The following MROH2B variants were observed in gnomAD, a reference collection of about 807,000 sequenced individuals.
MROH2B encodes the protein maestro heat-like repeat-containing protein family member 2B.
A neutral mutation model predicts 208.6 loss-of-function variants in MROH2B; 177 were observed. The ratio of observed to expected loss-of-function variants is 0.85; its 90% CI spans 0.75 to 0.96. The LOEUF is 0.96. Among genes scored for constraint, MROH2B ranks in the 40% least tolerant of loss-of-function variants. MROH2B has a pLI of 0.00. For missense variants in MROH2B, 2,002 were observed against 1,878.7 expected (o/e 1.07, Z -1.21); for synonymous variants, 728 against 659.0 (o/e 1.10, Z -1.60).
rs776112856 is a variant in MROH2B at position 41,057,271 on chromosome 5, C to A, written c.846G>T (p.Gln282His). 1 of 1,603,292 alleles carries A rather than the reference C, an allele frequency of 6.2e-7. No homozygotes were observed. Among genetic ancestry groups the A allele is most frequent in the Non-Finnish European group, 8.5e-7 (1 of 1,174,398 alleles). The change falls in exon 8 of 42, where the codon CAG becomes CAT. Residue 282 changes from glutamine to histidine, a missense_variant. By Grantham distance (24) the Gln-to-His change is conservative. Coordinates refer to ENST00000399564, the MANE Select transcript of MROH2B (RefSeq NM_173489.5). ...GTTGACAGCATGGTCTTCTTACCTG[C>A]TGGAGTAAATTGATAAAGATGGATC... is the stretch of plus-strand genomic sequence containing the variant. The part of the protein sequence containing the change: ...LRRSIFINLL[Q>H]QICRAPEPPV...
rs999618578 is a variant in MROH2B, at chr5:41,057,355, T to C, written c.762A>G (p.Leu254=). The change falls in exon 8 of 42, where the codon CTA becomes CTG. Residue 254 remains leucine, a synonymous_variant. Coordinates refer to ENST00000399564, the MANE Select transcript of MROH2B (RefSeq NM_173489.5). ...KEIDFHVTQS[L]KQILTAAVLY... is the part of the protein sequence containing the mutation. ...GAACTGCTGCAGTCAGTATTTGTTT[T>C]AGGCTCTAAAGTGGAAACTCCCACA... is the stretch of plus-strand genomic sequence containing the variant. The C allele has an allele frequency of 2.1e-5, 33 of 1,571,048 alleles. No homozygotes were observed. Among genetic ancestry groups the C allele is most frequent in the Non-Finnish European group, 2.8e-5 (32 of 1,156,990 alleles).
Position 41,009,499 on chromosome 5 carries a change from T to C in MROH2B, c.3294-93A>G, listed in dbSNP as rs972118183. ...ACTCACTCTAAAATCACATTATGAC[T>C]AATGACAATTTCAAGGGCAGATGGA... On this transcript the variant is annotated intron_variant, in intron 31 of 41. Transcript: ENST00000399564. 4 of 1,465,898 alleles carry C rather than the reference T, an allele frequency of 2.7e-6. No homozygotes were observed. The African/African-American group carries it at 5.6e-5, about 21-fold the overall frequency. 90.8% of individuals were successfully genotyped at this position (1,465,898 alleles called of 1,614,324 possible). A position where few individuals can be genotyped will look rare whatever the true frequency, so the allele number is the denominator to read the frequency against.
At chr5:41,019,096 C>G (rs535774340) in intron 24 of MROH2B, 78 bp from the exon 25 acceptor site, 5 of 1,562,372 alleles carry the variant, frequency 3.2e-6, no homozygotes, top group Non-Finnish European at 3.5e-6. Flanking sequence ...CAAGAACTGC[C>G]AATCACATCT....
At chr5:41,048,572 T>C in intron 15 of MROH2B, 107 bp from the exon 16 acceptor site, 2 of 1,214,864 alleles carry the variant, frequency 1.6e-6, no homozygotes, top group African/African-American at 1.5e-5. Context: ...CTGCATTGGA[T>C]AATCTTTTAA....
Position 41,046,254 on chromosome 5 carries a change from G to T in MROH2B, c.1729-401C>A, listed in dbSNP as rs140150225. 1.3e-3 allele frequency among the ~76,000 whole-genome samples: 194 copies of T among 150,516 alleles called. 2 individuals are homozygous for T. The East Asian group carries it at 0.033, about 26-fold the overall frequency. Reference sequence around the variant, plus strand: ...ACTAAAAAAAAAAAACCCCAAACACGATGGAGATTTTTGGAATCAAGAATT... The same window carrying T: ...ACTAAAAAAAAAAAACCCCAAACACTATGGAGATTTTTGGAATCAAGAATT... On this transcript the variant is annotated intron_variant, in intron 17 of 41. Transcript: ENST00000399564.
At chr5:41,068,815 T>C (rs1437980754) in intron 2 of MROH2B, among the ~76,000 whole-genome samples, 13 of 152,170 alleles carry the variant, frequency 8.5e-5, no homozygotes, top group Non-Finnish European at 4.4e-5. Context: ...TACCTAAATG[T>C]TTGGATTACC....
rs370236617 is a variant in MROH2B, at chr5:41,039,468, A to G, written c.2041T>C (p.Phe681Leu). ...VLKTFQNQEK[F>L]FMNRCKSLFS... ...CTTACCTTACATCGATTCATGAAAA[A>G]CTTTTCCTGATTTTGGAATGTTTTA... The change falls in exon 20 of 42, where the codon TTT (phenylalanine) becomes CTT (leucine). Residue 681 changes from phenylalanine to leucine, a missense_variant. By Grantham distance (22) the Phe-to-Leu change is conservative. Coordinates refer to ENST00000399564, the MANE Select transcript of MROH2B (RefSeq NM_173489.5). 32 of 1,597,012 alleles carry G rather than the reference A, an allele frequency of 2.0e-5. No homozygotes were observed. Among genetic ancestry groups the G allele is most frequent in the Admixed American group, 1.0e-4 (6 of 58,304 alleles).
At chr5:41,058,740 A>G (rs576117611) in intron 6 of MROH2B, among the ~76,000 whole-genome samples, 5 of 152,264 alleles carry the variant, frequency 3.3e-5, no homozygotes, top group Admixed American at 1.3e-4. Flanking sequence ...GCAATCTAGA[A>G]CTTACCTCAT....
chr5:41,021,479 G>A lies in MROH2B; in HGVS notation c.2442-2461C>T, dbSNP rs538288433. 2.6e-4 allele frequency among the ~76,000 whole-genome samples: 39 copies of A among 152,258 alleles called. No individual in the cohort carries two copies. In the East Asian group the frequency reaches 4.4e-3, roughly 17 times the overall value. ...GTGAAATCTCTAGAGACCCCAAATA[G>A]CCAAAACAATTTTGAAGAAGAACAA... On this transcript the variant is annotated intron_variant, in intron 24 of 41. Coordinates refer to ENST00000399564, the MANE Select transcript of MROH2B (RefSeq NM_173489.5).
intron 18 of MROH2B, among the ~76,000 whole-genome samples, chr5:41,042,704 A>G (rs978342311): frequency 6.6e-6 from 1 of 152,122 alleles, no homozygotes; most frequent in Non-Finnish European, 1.5e-5. Context: ...TCCTGGGTTC[A>G]AGAGATTTTC....
At chr5:41,058,948 C>G (rs10042553) in intron 6 of MROH2B, among the ~76,000 whole-genome samples, 1 of 149,742 alleles carries the variant, frequency 6.7e-6, no homozygotes, top group African/African-American at 2.5e-5. Flanking sequence ...CTTGGGAGGC[C>G]GAAGCAGGAG....
chr5:41,023,657 C>A (rs531640416), intron 24 of MROH2B, among the ~76,000 whole-genome samples: 5 of 152,182 alleles, frequency 3.3e-5, no homozygotes, highest in African/African-American at 1.2e-4. Context: ...GGCAGGCCAA[C>A]ATTCAAATTC....
intron 17 of MROH2B, 69 bp downstream of exon 17, chr5:41,047,652 T>G: frequency 7.2e-7 from 1 of 1,394,624 alleles, no homozygotes; most frequent in Non-Finnish European, 9.9e-7. Context: ...GTTCCTTTAA[T>G]TTAGGATGGG....
At chr5:41,008,827 C>T in intron 32 of MROH2B, 34 bp from the exon 33 acceptor site, 1 of 1,579,380 alleles carries the variant, frequency 6.3e-7, no homozygotes, top group Non-Finnish European at 8.6e-7. Context: ...GTCAGGCAGT[C>T]TCATTTTCTC....
In MROH2B at chr5:41,070,231, C is replaced by G. The variant is rs968886433; in HGVS notation, c.29-479G>C. 1.2e-4 allele frequency among the ~76,000 whole-genome samples: 18 copies of G among 152,278 alleles called. 2 individuals carry two copies. The South Asian group carries it at 3.5e-3, about 30-fold the overall frequency. On this transcript the variant is annotated intron_variant, in intron 1 of 41. Transcript: ENST00000399564. ...ATTCTCCTGTGCCTGCCAACTCCCT[C>G]TTTTGGTCACATGCTAATGAAGGCT...
Position 41,048,446 on chromosome 5 carries a change from C to T in MROH2B, c.1562G>A (p.Ser521Asn). The change falls in exon 16 of 42, where the codon AGT (serine) becomes AAT (asparagine). Residue 521 changes from serine (S) to asparagine (N), a missense_variant. By Grantham distance (46) the Ser-to-Asn change is conservative (BLOSUM62 1). Coordinates refer to ENST00000399564, the MANE Select transcript of MROH2B (RefSeq NM_173489.5). The part of the protein sequence containing the change: ...ARLLVISMPA[S>N]LGELRGAGAI... ...ACCAGCCCCACGTAACTCCCCTAAACTGGCAGGCATAGATATTACCTGAAG... is the reference window on the plus strand; with the variant it reads ...ACCAGCCCCACGTAACTCCCCTAAATTGGCAGGCATAGATATTACCTGAAG... The T allele has an allele frequency of 6.2e-7, 1 of 1,613,024 alleles. No homozygotes were observed. The highest frequency in any genetic ancestry group is 8.5e-7 in the Non-Finnish European group (1 of 1,179,472).
At chr5:41,012,927 T>A (rs1400967297) in intron 29 of MROH2B, among the ~76,000 whole-genome samples, 192 bp from the exon 30 acceptor site, 1 of 152,224 alleles carries the variant, frequency 6.6e-6, no homozygotes, top group Non-Finnish European at 1.5e-5. Flanking sequence ...CTAAGCAAAC[T>A]TTCCGTGGAG....
chr5:41,023,436 G>A (rs1209689952), intron 24 of MROH2B, among the ~76,000 whole-genome samples: 1 of 152,134 alleles, frequency 6.6e-6, no homozygotes, highest in Non-Finnish European at 1.5e-5. Flanking sequence ...GGAAGAAAGG[G>A]TATCAGTGAT....
intron 24 of MROH2B, among the ~76,000 whole-genome samples, chr5:41,023,670 G>C (rs1742242331): frequency 6.6e-6 from 1 of 152,002 alleles, no homozygotes; most frequent in Non-Finnish European, 1.5e-5. Context: ...TCAAATTCAG[G>C]AAATACAGAA....
Sources: allele counts gnomAD v4.1 joint callset (sites outside exome capture counted in the v4.1 genomes callset), GRCh38; gene constraint gnomAD v4.1.1; transcripts MANE v1.5; gene names NCBI Gene and HGNC (gene_info 2026-07-23, HGNC 2026-07-21).